Variants in SLC13A1 observed in about 807,000 individuals in gnomAD.
The protein encoded by SLC13A1 is Na(+)/sulfate cotransporter.
A neutral mutation model predicts 70.0 loss-of-function variants in SLC13A1; 65 were observed. The observed-to-expected ratio is 0.93, with a 90% CI of 0.76 to 1.14. The LOEUF (loss-of-function observed/expected upper bound fraction) is 1.14. Ranked by LOEUF, SLC13A1 falls within the 50% of genes most tolerant of loss-of-function variation. The pLI, the probability that SLC13A1 is intolerant of heterozygous loss-of-function variation, is 0.00. For missense variants in SLC13A1, 726 were observed against 717.8 expected (o/e 1.01, Z -0.13); for synonymous variants, 275 against 250.5 (o/e 1.10, Z -0.92).
At chr7:123,131,485 C>G (rs12706492) in intron 8 of SLC13A1, among the ~76,000 whole-genome samples, 35,838 of 151,910 alleles carry the variant, frequency 0.24, 4,799 homozygotes, top group East Asian at 0.37. Flanking sequence ...CTTCACAAAG[C>G]TACTGACAAA....
rs1794349879 is a variant in SLC13A1, at chr7:123,146,344, G to T, written c.812+815C>A. ...GTTTGAGACCAGCCTGGCCAACATG[G>T]CAAAACCCCGTGTCTACTAAAAGTA... On this transcript the variant is annotated intron_variant, in intron 7 of 14. Transcript: ENST00000194130. Among the ~76,000 whole-genome samples the T allele has an allele frequency of 2.6e-5, 4 of 152,174 alleles. No homozygotes were observed. In the South Asian group the frequency reaches 6.2e-4, roughly 24 times the overall value.
At chr7:123,181,673 T>C (rs1173479577) in intron 1 of SLC13A1, among the ~76,000 whole-genome samples, 1 of 152,182 alleles carries the variant, frequency 6.6e-6, no homozygotes, top group African/African-American at 2.4e-5. Context: ...CTACTCTTAA[T>C]AGAATCTGTT....
At chr7:123,121,973 T>C (rs143934007) in intron 12 of SLC13A1, among the ~76,000 whole-genome samples, 105 of 152,220 alleles carry the variant, frequency 6.9e-4, no homozygotes, top group African/African-American at 2.4e-3. Context: ...CATTTGGCTC[T>C]GTATATTGAG....
chr7:123,191,021 T>C (rs1333276986), intron 1 of SLC13A1, among the ~76,000 whole-genome samples: 2 of 152,234 alleles, frequency 1.3e-5, no homozygotes, highest in Non-Finnish European at 2.9e-5. Context: ...TAGTGTCTTA[T>C]TGTATTTTGA....
rs908176301 is a variant in SLC13A1, at chr7:123,156,851, A to G, written c.661-9541T>C. On this transcript the variant is annotated intron_variant, in intron 6 of 14. Transcript: ENST00000194130. ...AGGGCAAACCTATCCCTTCAGATGAATCACTGACAACTCTCCTGCTGTGCC... is the reference window on the plus strand; with the variant it reads ...AGGGCAAACCTATCCCTTCAGATGAGTCACTGACAACTCTCCTGCTGTGCC... 4.6e-5 allele frequency among the ~76,000 whole-genome samples: 7 copies of G among 152,020 alleles called. No homozygotes were observed. In the South Asian group the frequency reaches 1.2e-3, roughly 27 times the overall value.
intron 6 of SLC13A1, among the ~76,000 whole-genome samples, chr7:123,147,537 CCTCT>C (rs112153839): frequency 5.6e-4 from 82 of 147,664 alleles, no homozygotes; most frequent in South Asian, 2.4e-3. Context: ...GAGCTTGATT[CCTCT>C]CTCTCTCTCT....
chr7:123,173,647 C>T (rs986814254), intron 2 of SLC13A1, among the ~76,000 whole-genome samples: 4 of 151,610 alleles, frequency 2.6e-5, no homozygotes, highest in East Asian at 3.9e-4. Context: ...TGTTTGTTTA[C>T]GTGCTTATTG....
chr7:123,190,252 T>C (rs963007476), intron 1 of SLC13A1, among the ~76,000 whole-genome samples: 3 of 152,176 alleles, frequency 2.0e-5, no homozygotes, highest in Admixed American at 1.3e-4. Flanking sequence ...TGATACTACA[T>C]GTCACGTAGC....
At chr7:123,162,014 A>G (rs1030327262) in intron 6 of SLC13A1, among the ~76,000 whole-genome samples, 4 of 151,590 alleles carry the variant, frequency 2.6e-5, no homozygotes, top group South Asian at 2.1e-4. Flanking sequence ...CAATTTGGAG[A>G]CAAACATATT....
At chr7:123,194,878 T>C (rs1239332852) in intron 1 of SLC13A1, among the ~76,000 whole-genome samples, 7 of 152,022 alleles carry the variant, frequency 4.6e-5, no homozygotes, top group African/African-American at 1.7e-4. Context: ...CTGCATGCGG[T>C]TAGGGGAACA....
chr7:123,168,908 A>G (rs936201280), intron 4 of SLC13A1, among the ~76,000 whole-genome samples: 1 of 152,226 alleles, frequency 6.6e-6, no homozygotes, highest in African/African-American at 2.4e-5. Context: ...GTGTTCCATC[A>G]GTCTGGCTGA....
chr7:123,141,405 T>C (rs1488111244), intron 7 of SLC13A1, among the ~76,000 whole-genome samples: 1 of 152,228 alleles, frequency 6.6e-6, no homozygotes, highest in East Asian at 1.9e-4. Context: ...TGAAATGTTC[T>C]GTAAATATCT....
chr7:123,140,773 T>C (rs1039472002), intron 7 of SLC13A1, among the ~76,000 whole-genome samples: 1 of 152,122 alleles, frequency 6.6e-6, no homozygotes, highest in Non-Finnish European at 1.5e-5. Flanking sequence ...CTATAATTAC[T>C]CCTTTTTCAT....
chr7:123,163,806 T>C (rs758268592), intron 6 of SLC13A1, among the ~76,000 whole-genome samples: 3 of 152,042 alleles, frequency 2.0e-5, no homozygotes, highest in Non-Finnish European at 4.4e-5. Flanking sequence ...GAATTTTCCC[T>C]GATGGTTAAC....
chr7:123,138,428 A>G (rs904140210), intron 7 of SLC13A1, among the ~76,000 whole-genome samples: 4 of 152,144 alleles, frequency 2.6e-5, no homozygotes, highest in Non-Finnish European at 4.4e-5. Flanking sequence ...TTTTGGGTAT[A>G]TACCCTGCAG....
intron 6 of SLC13A1, among the ~76,000 whole-genome samples, chr7:123,163,513 C>A (rs1794977434): frequency 6.6e-6 from 1 of 152,030 alleles, no homozygotes. Flanking sequence ...TACTAAATAT[C>A]CATCATCTTC....
At chr7:123,181,274 G>A in intron 1 of SLC13A1, 173 bp from the exon 2 acceptor site, 2 of 533,432 alleles carry the variant, frequency 3.7e-6, no homozygotes, top group South Asian at 3.2e-5. Flanking sequence ...GTTCTAAGAA[G>A]CAAAATTTAA....
At chr7:123,185,178 G>C (rs1472252687) in intron 1 of SLC13A1, among the ~76,000 whole-genome samples, 4 of 151,888 alleles carry the variant, frequency 2.6e-5, no homozygotes, top group Non-Finnish European at 5.9e-5. Context: ...ATGTATTTTT[G>C]ATATTAATCT....
chr7:123,156,507 G>A (rs1043551071), intron 6 of SLC13A1, among the ~76,000 whole-genome samples: 1 of 152,112 alleles, frequency 6.6e-6, no homozygotes, highest in African/African-American at 2.4e-5. Context: ...AAGTTCCATA[G>A]TGCACAGAGG....
Sources: allele counts gnomAD v4.1 joint callset (sites outside exome capture counted in the v4.1 genomes callset), GRCh38; gene constraint gnomAD v4.1.1; transcripts MANE v1.5; gene names NCBI Gene and HGNC (gene_info 2026-07-23, HGNC 2026-07-21).